The following USP47 variants were observed in gnomAD, a reference collection of about 807,000 sequenced individuals.
The protein encoded by USP47 is ubiquitin specific peptidase 47.
Under a neutral mutation model 165.1 loss-of-function variants are expected in USP47, and 35 were observed. That is an observed-to-expected ratio of 0.21 (90% confidence interval 0.16 to 0.28). The LOEUF (loss-of-function observed/expected upper bound fraction) is 0.28. Among genes scored for constraint, USP47 ranks in the 10% least tolerant of loss-of-function variants. The probability of loss-of-function intolerance (pLI) is 1.00; values close to 1 mark genes in which losing one functional copy is unlikely to be tolerated. For missense variants in USP47, 1,277 were observed against 1,607.4 expected (o/e 0.79, Z 3.52); for synonymous variants, 531 against 544.5 (o/e 0.98, Z 0.35).
At chr11:11,853,878 G>C (rs1180371416) in intron 1 of USP47, among the ~76,000 whole-genome samples, 1 of 152,054 alleles carries the variant, frequency 6.6e-6, no homozygotes, top group African/African-American at 2.4e-5. Flanking sequence ...TGTAATCCCA[G>C]CACTTTGGGA....
intron 16 of USP47, among the ~76,000 whole-genome samples, chr11:11,936,033 T>C (rs1277180729): frequency 6.6e-6 from 1 of 151,894 alleles, no homozygotes; most frequent in African/African-American, 2.4e-5. Context: ...ACCTAAAGTT[T>C]ATGATGTTAA....
intron 14 of USP47, among the ~76,000 whole-genome samples, chr11:11,931,483 C>A (rs1458896634): frequency 6.6e-6 from 1 of 152,106 alleles, no homozygotes; most frequent in Non-Finnish European, 1.5e-5. Flanking sequence ...ATCATTTGTA[C>A]TGTATTATAA....
chr11:11,911,751 A>G (rs902825406), intron 8 of USP47, among the ~76,000 whole-genome samples: 1 of 152,152 alleles, frequency 6.6e-6, no homozygotes, highest in South Asian at 2.1e-4. Context: ...CCATCAACCA[A>G]CAGATCTAAT....
At chr11:11,941,527 G>T (rs1450222430) in intron 19 of USP47, among the ~76,000 whole-genome samples, 4 of 151,880 alleles carry the variant, frequency 2.6e-5, no homozygotes, top group Non-Finnish European at 4.4e-5. Context: ...GTAAACAAAA[G>T]TAGAGAAAAT....
intron 1 of USP47, among the ~76,000 whole-genome samples, chr11:11,862,560 A>G (rs1473902523): frequency 3.3e-5 from 5 of 152,142 alleles, no homozygotes; most frequent in African/African-American, 9.7e-5. Flanking sequence ...ACATGTTTTT[A>G]GAAAAACTGA....
At chr11:11,855,375 A>G (rs894393327) in intron 1 of USP47, among the ~76,000 whole-genome samples, 1 of 152,042 alleles carries the variant, frequency 6.6e-6, no homozygotes, top group African/African-American at 2.4e-5. Flanking sequence ...GTTGACATGG[A>G]TAGAAGAGAC....
At chr11:11,926,388 C>G (rs1412620107) in intron 11 of USP47, among the ~76,000 whole-genome samples, 5 of 152,026 alleles carry the variant, frequency 3.3e-5, no homozygotes, top group East Asian at 1.9e-4. Flanking sequence ...TTTTTTATGT[C>G]TTCTTGAGTC....
chr11:11,930,612 C>T, intron 13 of USP47, 84 bp from the exon 14 acceptor site: 1 of 1,045,728 alleles, frequency 9.6e-7, no homozygotes, highest in Non-Finnish European at 1.4e-6. Flanking sequence ...TTTAAAAAAT[C>T]ACAATTTAAA....
At chr11:11,924,376 T>A (rs1854085363) in intron 11 of USP47, among the ~76,000 whole-genome samples, 1 of 152,216 alleles carries the variant, frequency 6.6e-6, no homozygotes, top group Non-Finnish European at 1.5e-5. Flanking sequence ...GCTAATATTT[T>A]GCAGAGGATT....
intron 1 of USP47, among the ~76,000 whole-genome samples, chr11:11,859,070 T>C (rs1227550794): frequency 2.6e-5 from 4 of 152,200 alleles, no homozygotes; most frequent in African/African-American, 9.7e-5. Flanking sequence ...TTATTAAGTG[T>C]GTAGTGGTGG....
At chr11:11,881,335 C>G (rs1473433238) in intron 2 of USP47, among the ~76,000 whole-genome samples, 1 of 152,114 alleles carries the variant, frequency 6.6e-6, no homozygotes, top group Non-Finnish European at 1.5e-5. Flanking sequence ...AGTGCCCACT[C>G]TTTACCCTGA....
chr11:11,929,266 G>A (rs934329778), intron 11 of USP47, among the ~76,000 whole-genome samples, 168 bp from the exon 12 acceptor site: 4 of 152,066 alleles, frequency 2.6e-5, no homozygotes, highest in African/African-American at 9.7e-5. Context: ...GGTATATACA[G>A]TTGTTTGATA....
At position 11,923,336 on chromosome 11, in the gene USP47, CT is replaced by C. The variant is rs1313228141; in HGVS notation, c.1386+448del. 2.0e-5 allele frequency among the ~76,000 whole-genome samples: 3 copies of C among 151,818 alleles called. No homozygotes were observed. The East Asian group carries it at 5.8e-4, about 29-fold the overall frequency. On this transcript the variant is annotated intron_variant, in intron 11 of 27. Transcript: ENST00000527733. ...TTTTTAAAAGTCTGGCCATGAAACA[CT>C]TTATGAGACAATTAATAATAGATCT...
chr11:11,949,780 A>G (rs1856093954), intron 22 of USP47, 109 bp from the exon 23 acceptor site: 3 of 677,080 alleles, frequency 4.4e-6, no homozygotes, highest in Admixed American at 3.2e-5. Context: ...TCTGAAACTC[A>G]GGCCCTTAAT....
At chr11:11,929,401 C>G (rs1854489231) in intron 11 of USP47, 33 bp from the exon 12 acceptor site, 12 of 1,603,644 alleles carry the variant, frequency 7.5e-6, no homozygotes, top group Admixed American at 1.7e-5. Flanking sequence ...TGTTTTCCTT[C>G]TCCTCTGAGT....
At chr11:11,881,061 C>A (rs927508196) in intron 2 of USP47, among the ~76,000 whole-genome samples, 2 of 152,074 alleles carry the variant, frequency 1.3e-5, no homozygotes, top group East Asian at 3.8e-4. Flanking sequence ...TTTAGTTTCT[C>A]TCTTTCATGG....
intron 13 of USP47, among the ~76,000 whole-genome samples, chr11:11,930,472 TTTACTGTA>T (rs1854587074): frequency 6.6e-6 from 1 of 152,108 alleles, no homozygotes; most frequent in African/African-American, 2.4e-5. Context: ...TGTTAAAGAC[TTTACTGTA>T]TTACCAAGAG....
In USP47 at chr11:11,933,231, A is replaced by G. The variant is rs74805207; in HGVS notation, c.1764+115A>G. ...CTGAGACAATTATGCTATCATGATC[A>G]TTGAACAGTGTAACCAACTATACTA... is the stretch of plus-strand genomic sequence containing the variant. On this transcript the variant is annotated intron_variant, in intron 15 of 27. Coordinates refer to ENST00000527733, the MANE Select transcript of USP47 (RefSeq NM_001282659.2). The G allele has an allele frequency of 9.2e-3, 7,917 of 857,982 alleles. 434 individuals carry two copies. The African/African-American group carries it at 0.12, about 13-fold the overall frequency. 53.1% of individuals were successfully genotyped at this position (857,982 alleles called of 1,614,324 possible). A position where few individuals can be genotyped will look rare whatever the true frequency, so the allele number is the denominator to read the frequency against.
intron 24 of USP47, 93 bp downstream of exon 24, chr11:11,950,575 G>A: frequency 3.5e-6 from 3 of 855,148 alleles, no homozygotes; most frequent in East Asian, 5.0e-5. Flanking sequence ...GAGTTACGAG[G>A]AATCTAATAT....
Sources: gnomAD v4.1 joint callset for allele counts (sites outside exome capture counted in the v4.1 genomes callset) on GRCh38, gnomAD v4.1.1 for gene constraint, MANE v1.5 for transcripts, NCBI Gene and HGNC (gene_info 2026-07-23, HGNC 2026-07-21) for gene names.